The following SEC16B variants were observed in gnomAD, a reference collection of about 807,000 sequenced individuals.
SEC16B encodes the protein SEC16 homolog B, endoplasmic reticulum export factor, also known as protein transport protein Sec16B.
SEC16B carries 115 observed loss-of-function variants against 141.8 expected under a neutral mutation model. That is an observed-to-expected ratio of 0.81 (90% CI 0.70 to 0.95). The LOEUF (loss-of-function observed/expected upper bound fraction) is 0.95. SEC16B is among the 40% of genes least tolerant of loss of function. The probability of loss-of-function intolerance (pLI) is 0.00; values close to 1 mark genes in which losing one functional copy is unlikely to be tolerated. For missense variants in SEC16B, 1,291 were observed against 1,312.3 expected (o/e 0.98, Z 0.25); for synonymous variants, 493 against 492.5 (o/e 1.00, Z -0.01).
intron 1 of SEC16B, among the ~76,000 whole-genome samples, chr1:177,969,105 T>C (rs564004510): frequency 2.6e-5 from 4 of 152,330 alleles, no homozygotes; most frequent in Admixed American, 1.3e-4. Context: ...TCGATTTTTT[T>C]CTTCCTTAGG....
intron 18 of SEC16B, 88 bp from the exon 19 acceptor site, chr1:177,937,601 T>C: frequency 8.3e-7 from 1 of 1,202,668 alleles, no homozygotes; most frequent in East Asian, 2.6e-5. Context: ...TGCTTATGTC[T>C]TCTTTGGAAA....
At chr1:177,971,613 T>C (rs753305359), upstream of SEC16B, 11 of 152,248 alleles carry the variant, frequency 7.2e-5, no homozygotes, top group Non-Finnish European at 1.5e-4. Context: ...AATGTGACAT[T>C]AGTCTTGCCC....
intron 1 of SEC16B, among the ~76,000 whole-genome samples, chr1:177,975,613 A>G (rs998143374): frequency 5.9e-5 from 9 of 152,242 alleles, no homozygotes; most frequent in African/African-American, 1.9e-4. Flanking sequence ...AAAACATTAC[A>G]TTACAATAAT....
intron 10 of SEC16B, among the ~76,000 whole-genome samples, chr1:177,956,537 A>T (rs1652614125): frequency 2.0e-5 from 3 of 152,158 alleles, no homozygotes; most frequent in African/African-American, 7.2e-5. Flanking sequence ...TCATTTCCCA[A>T]GTATATCTTT....
In SEC16B at chr1:177,940,688, A is replaced by T; in HGVS notation, c.2049T>A (p.Asp683Glu). The T allele has an allele frequency of 6.2e-7, 1 of 1,613,778 alleles. No individual in the cohort carries two copies. The highest frequency in any genetic ancestry group is 8.5e-7 in the Non-Finnish European group (1 of 1,179,794). Reference sequence around the variant, plus strand: ...CACTGCGTCTTTCTAAAACCAGAGGATCTGACAGCTTCAGTTTCTCTGCTA... The same window carrying T: ...CACTGCGTCTTTCTAAAACCAGAGGTTCTGACAGCTTCAGTTTCTCTGCTA... ...IKLAEKLKLS[D>E]PLVLERRSGD... Residue 683 changes from aspartate to glutamate, a missense_variant, in exon 17 of 26, where the codon GAT (aspartate) becomes GAA (glutamate). Around this residue, in one of 3 missense-constraint regions of SEC16B, gnomAD observed 605 missense variants for 614.1 expected, o/e 0.99. Transcript: ENST00000308284.
At chr1:177,956,127 AT>A (rs201296521) in intron 10 of SEC16B, among the ~76,000 whole-genome samples, 103 of 152,100 alleles carry the variant, frequency 6.8e-4, no homozygotes, top group Middle Eastern at 6.8e-3. Context: ...ATTGGAAAAA[AT>A]TTTTTTTTAA....
At chr1:177,955,158 G>T (rs1382468944) in intron 10 of SEC16B, among the ~76,000 whole-genome samples, 1 of 151,926 alleles carries the variant, frequency 6.6e-6, no homozygotes, top group Non-Finnish European at 1.5e-5. Flanking sequence ...CAACTTCATT[G>T]AATGCATTTT....
At chr1:177,978,285 G>A (rs1202738561) in intron 1 of SEC16B, among the ~76,000 whole-genome samples, 2 of 152,234 alleles carry the variant, frequency 1.3e-5, no homozygotes, top group East Asian at 1.9e-4. Flanking sequence ...TGCATGGCCT[G>A]TAGGAGGTGC....
chr1:177,929,166 A>C lies in SEC16B; in HGVS notation c.*692T>G, dbSNP rs889503303. 2 of 153,026 alleles carry C rather than the reference A, an allele frequency of 1.3e-5. No homozygotes were observed. Among genetic ancestry groups the C allele is most frequent in the Non-Finnish European group, 2.9e-5 (2 of 68,324 alleles). The allele number at this position is 153,026 out of a possible 1,614,324, so 9.5% of individuals were successfully genotyped here. A position where few individuals can be genotyped will look rare whatever the true frequency, so the allele number is the denominator to read the frequency against. ...GCCATCCATCTGCATCATTAGGTTC[A>C]GTAGTTACCATGACAATATGATGCC... is the stretch of plus-strand genomic sequence containing the variant. On this transcript the variant is annotated 3_prime_UTR_variant, in exon 26 of 26. Transcript: ENST00000308284.
At chr1:177,966,341 A>G (rs1402247907) in intron 2 of SEC16B, among the ~76,000 whole-genome samples, 1 of 152,156 alleles carries the variant, frequency 6.6e-6, no homozygotes, top group African/African-American at 2.4e-5. Flanking sequence ...CTCCATCCTG[A>G]TATTATCTGA....
rs1372327738 is a variant in SEC16B at position 177,960,880 on chromosome 1, T to A, written c.847A>T (p.Ser283Cys). 1 of 1,601,616 alleles carries A rather than the reference T, an allele frequency of 6.2e-7. No homozygotes were observed. The highest frequency in any genetic ancestry group is 1.4e-5 in the African/African-American group (1 of 73,922). ...MKFYIPHVPVSFGPGGQLVHV... is the reference protein window; with the variant it reads ...MKFYIPHVPVCFGPGGQLVHV... The stretch of plus-strand genomic sequence containing the variant: ...ACCAGCTGACCTCCTGGCCCGAAAC[T>A]CACAGGAACATGAGGGATGTAGAAC... The change falls in exon 7 of 26, where the codon AGT becomes TGT. Residue 283 changes from serine to cysteine, a missense_variant. Transcript: ENST00000308284.
chr1:177,955,960 T>A (rs1480996392), intron 10 of SEC16B, among the ~76,000 whole-genome samples: 1 of 152,228 alleles, frequency 6.6e-6, no homozygotes, highest in Non-Finnish European at 1.5e-5. Context: ...TTATAATTTA[T>A]CAGTAGAAAA....
chr1:177,939,903 CT>C, intron 17 of SEC16B, 126 bp from the exon 18 acceptor site: 1 of 772,022 alleles, frequency 1.3e-6, no homozygotes, highest in South Asian at 1.8e-5. Flanking sequence ...AAGGGAAATG[CT>C]TGTATGCTTA....
intron 8 of SEC16B, 44 bp downstream of exon 8, chr1:177,960,298 T>C (rs1652956071): frequency 4.6e-6 from 6 of 1,291,736 alleles, no homozygotes; most frequent in Non-Finnish European, 6.7e-6. Flanking sequence ...GAAGATTTTC[T>C]AGGTTTCAAA....
chr1:177,964,254 C>A lies in SEC16B; in HGVS notation c.559G>T (p.Asp187Tyr). 1 of 1,613,558 alleles carries A rather than the reference C, an allele frequency of 6.2e-7. No individual in the cohort carries two copies. Among genetic ancestry groups the A allele is most frequent in the Non-Finnish European group, 8.5e-7 (1 of 1,179,640 alleles). The change falls in exon 5 of 26, where the codon GAC (aspartate) becomes TAC (tyrosine). Residue 187 changes from aspartate to tyrosine, a missense_variant. Physicochemically the swap from Asp to Tyr is radical, Grantham distance 160 (BLOSUM62 -3). Transcript: ENST00000308284. The stretch of plus-strand genomic sequence containing the variant: ...TGTCCAGAGTTGGAAGCAGGGCTGT[C>A]TTTACAAGGGTTCCTACTGTTAGAT... Reference protein sequence around the residue: ...FQSNSRNPCKDSPASNSGQEW... With the variant: ...FQSNSRNPCKYSPASNSGQEW...
chr1:177,968,943 T>G (rs1653762503), intron 1 of SEC16B, among the ~76,000 whole-genome samples: 1 of 152,174 alleles, frequency 6.6e-6, no homozygotes, highest in Non-Finnish European at 1.5e-5. Flanking sequence ...AAAGGGAAAT[T>G]GCTCCAAGGA....
In SEC16B at chr1:177,975,977, G is replaced by A. The variant is rs532821528; in HGVS notation, c.-58-7938C>T. ...AGTGTGCCAAGAAAAGATGGTGCCTGTGCCAGAGACAATTAGCCTGGCACA... is the reference window on the plus strand; with the variant it reads ...AGTGTGCCAAGAAAAGATGGTGCCTATGCCAGAGACAATTAGCCTGGCACA... On this transcript the variant is annotated intron_variant and NMD_transcript_variant, in intron 1 of 24. Transcript: ENST00000528461. 4.4e-4 allele frequency among the ~76,000 whole-genome samples: 67 copies of A among 152,306 alleles called. No homozygotes were observed. In the South Asian group the frequency reaches 0.014, roughly 32 times the overall value.
intron 16 of SEC16B, 139 bp downstream of exon 16, chr1:177,941,761 A>G (rs10913466): frequency 0.039 from 34,618 of 897,978 alleles, 1,680 homozygotes; most frequent in African/African-American, 0.17. Flanking sequence ...GGGCATGCAT[A>G]CATGGTCAAA....
chr1:177,967,086 C>A (rs1448150342), intron 2 of SEC16B, among the ~76,000 whole-genome samples: 3 of 152,060 alleles, frequency 2.0e-5, no homozygotes, highest in Non-Finnish European at 4.4e-5. Flanking sequence ...GATAGAATGA[C>A]CTCACTGCAA....
Sources: gnomAD v4.1 joint callset for allele counts (sites outside exome capture counted in the v4.1 genomes callset) on GRCh38, gnomAD v4.1.1 for gene constraint, gnomAD v4.1.1 regional missense constraint, MANE v1.5 for transcripts, NCBI Gene and HGNC (gene_info 2026-07-23, HGNC 2026-07-21) for gene names.